Variants in TMEM204 observed in about 807,000 individuals in gnomAD.
The protein encoded by TMEM204 is transmembrane protein 204, also known as claudin-like protein 24.
Under a neutral mutation model 19.4 loss-of-function variants are expected in TMEM204, and 15 were observed. The observed-to-expected ratio is 0.77, with a 90% CI of 0.52 to 1.19. The LOEUF (loss-of-function observed/expected upper bound fraction) is 1.19, where lower values mean the gene tolerates loss of function less well. Ranked by LOEUF, TMEM204 falls within the 50% of genes most tolerant of loss-of-function variation. The pLI is 0.00. For synonymous variants in TMEM204, 161 were observed against 146.0 expected, an observed-to-expected ratio of 1.10 and a Z score of -0.74; for missense variants, 287 against 321.2, an observed-to-expected ratio of 0.89 and a Z score of 0.81.
At chr16:1,536,466 C>A (rs2141249975) in intron 1 of TMEM204, among the ~76,000 whole-genome samples, 1 of 152,320 alleles carries the variant, frequency 6.6e-6, no homozygotes, top group East Asian at 1.9e-4. Context: ...CATCCTCCTG[C>A]AACTTGTATG....
chr16:1,550,714 T>G (rs756461244), intron 2 of TMEM204, among the ~76,000 whole-genome samples: 1 of 152,220 alleles, frequency 6.6e-6, no homozygotes, highest in Non-Finnish European at 1.5e-5. Flanking sequence ...GAGCCTTCCC[T>G]GCAAGCTTGA....
At position 1,537,249 on chromosome 16, in the gene TMEM204, G is replaced by A. The variant is rs539893260; in HGVS notation, c.280+2694G>A. On this transcript the variant is annotated intron_variant, in intron 1 of 2. Coordinates refer to ENST00000566264, the MANE Select transcript of TMEM204 (RefSeq NM_024600.6). The stretch of plus-strand genomic sequence containing the variant: ...AGGCCAGGGAAGACAACGCCACACC[G>A]CGTGCCTCCTCACGCACACCAGGCC... Among the ~76,000 whole-genome samples the A allele has an allele frequency of 5.8e-4, 88 of 152,364 alleles. No individual in the cohort carries two copies. In the East Asian group the frequency reaches 8.9e-3, roughly 15 times the overall value.
Position 1,553,843 on chromosome 16 carries a change from C to T in TMEM204, c.437-939C>T, listed in dbSNP as rs1438562017. On this transcript the variant is annotated intron_variant, in intron 2 of 2. Transcript: ENST00000566264. The surrounding 1 kb of genome is among the most constrained non-coding windows in gnomAD (Gnocchi z 4.4). ...ACGCCCGGCTCCATCGCTGCGGCCA[C>T]AGTGTCCTGTTATCCTAGTTGGTAG... 1 of 1,218,744 alleles carries T rather than the reference C, an allele frequency of 8.2e-7. No individual in the cohort carries two copies. The highest frequency in any genetic ancestry group is 5.7e-5 in the East Asian group (1 of 17,438). The allele number at this position is 1,218,744 out of a possible 1,614,324, so 75.5% of individuals were successfully genotyped here.
At chr16:1,541,274 G>A in intron 1 of TMEM204, 1 of 985,416 alleles carries the variant, frequency 1.0e-6, no homozygotes, top group Non-Finnish European at 1.2e-6. Flanking sequence ...CGGGGCCCCA[G>A]GAGGTGAGGG....
At chr16:1,548,766 A>T (rs1049059411) in intron 2 of TMEM204, among the ~76,000 whole-genome samples, 1 of 152,212 alleles carries the variant, frequency 6.6e-6, no homozygotes, top group African/African-American at 2.4e-5. Flanking sequence ...TCAGAACGGC[A>T]TCCACAGCGC....
chr16:1,531,612 G>A (rs1455111706), upstream of TMEM204: 3 of 152,288 alleles, frequency 2.0e-5, no homozygotes, highest in Non-Finnish European at 4.4e-5. This position sits in a 1 kb window ranked among gnomAD's most constrained non-coding sequence, Gnocchi z 4.7. Context: ...CCCCCCGAGA[G>A]CCACAGATCC....
intron 1 of TMEM204, among the ~76,000 whole-genome samples, 162 bp from the exon 2 acceptor site, chr16:1,541,759 G>C (rs553062213): frequency 1.3e-5 from 2 of 152,200 alleles, no homozygotes; most frequent in African/African-American, 4.8e-5. Context: ...GGCAGGTGAG[G>C]GGGAGGGCGT....
Position 1,554,976 on chromosome 16 carries a change from G to A in TMEM204, c.631G>A (p.Ala211Thr). ...GATTGTCATCAGCCGCTCCCTGACA[G>A]CGCGCTTTCGCCGTGGGCTGGACAA... Reference protein sequence around the residue: ...RVIVISRSLTARFRRGLDNDY... With the variant: ...RVIVISRSLTTRFRRGLDNDY... The change falls in exon 3 of 3, where the codon GCG becomes ACG. Residue 211 changes from alanine (A) to threonine (T), a missense_variant. Coordinates refer to ENST00000566264, the MANE Select transcript of TMEM204 (RefSeq NM_024600.6). The A allele has an allele frequency of 1.2e-6, 2 of 1,613,806 alleles. No homozygotes were observed. The highest frequency in any genetic ancestry group is 1.7e-6 in the Non-Finnish European group (2 of 1,180,002).
chr16:1,554,403 C>G (rs1230737042), intron 2 of TMEM204, among the ~76,000 whole-genome samples: 1 of 152,030 alleles, frequency 6.6e-6, no homozygotes, highest in African/African-American at 2.4e-5. Flanking sequence ...TAGGAAAGGC[C>G]CCCCCAAGTT....
In TMEM204 at chr16:1,539,347, G is replaced by A. The variant is rs527805666; in HGVS notation, c.281-2574G>A. Among the ~76,000 whole-genome samples the A allele has an allele frequency of 2.6e-5, 4 of 152,334 alleles. No homozygotes were observed. The East Asian group carries it at 5.8e-4, about 22-fold the overall frequency. On this transcript the variant is annotated intron_variant, in intron 1 of 2. Transcript: ENST00000566264. ...CAGCAAGCCACATGGTGCAAATGCC[G>A]CCCCACGCCTTAGGCCTCAGCAAGT...
At chr16:1,536,970 G>T (rs2031136476) in intron 1 of TMEM204, among the ~76,000 whole-genome samples, 1 of 152,270 alleles carries the variant, frequency 6.6e-6, no homozygotes, top group Non-Finnish European at 1.5e-5. Flanking sequence ...ACCTAGGCAG[G>T]CCTGGGAGTC....
At chr16:1,550,244 G>A (rs773212717) in intron 2 of TMEM204, among the ~76,000 whole-genome samples, 2 of 152,076 alleles carry the variant, frequency 1.3e-5, no homozygotes, top group African/African-American at 2.4e-5. Context: ...CAGCCCCTTC[G>A]TCTTCTATAT....
upstream of TMEM204, chr16:1,531,521 AAGCAACAGGGAG>A (rs1567337305): frequency 6.6e-6 from 1 of 152,288 alleles, no homozygotes; most frequent in Non-Finnish European, 1.5e-5. This position sits in a 1 kb window ranked among gnomAD's most constrained non-coding sequence, Gnocchi z 4.7. Flanking sequence ...CCAAGACCCC[AAGCAACAGGGAG>A]AGCAGGAGGG....
upstream of TMEM204, chr16:1,532,298 G>C (rs1740896451): frequency 6.6e-6 from 1 of 152,314 alleles, no homozygotes; most frequent in South Asian, 2.1e-4. Flanking sequence ...AAACCTGACG[G>C]ACACGTCTGC....
chr16:1,537,860 C>T (rs932347886), intron 1 of TMEM204, among the ~76,000 whole-genome samples: 2 of 152,204 alleles, frequency 1.3e-5, no homozygotes, highest in Non-Finnish European at 2.9e-5. Context: ...CACGTGGCTC[C>T]GTCACCACGC....
chr16:1,554,542 TAAGAGCCACAG>T, intron 2 of TMEM204, among the ~76,000 whole-genome samples: 1 of 152,234 alleles, frequency 6.6e-6, no homozygotes, highest in Non-Finnish European at 1.5e-5. Flanking sequence ...CCTGAAGTCC[TAAGAGCCACAG>T]AAGGGCTAAT....
chr16:1,529,049 T>C (rs1015189570), upstream of TMEM204, among the ~76,000 whole-genome samples: 2 of 152,166 alleles, frequency 1.3e-5, no homozygotes, highest in African/African-American at 2.4e-5. Flanking sequence ...CGCAGGTTCC[T>C]GGGATGGGCC....
chr16:1,538,300 T>C (rs1185664256), intron 1 of TMEM204, among the ~76,000 whole-genome samples: 1 of 152,168 alleles, frequency 6.6e-6, no homozygotes, highest in Non-Finnish European at 1.5e-5. Context: ...CACAGGGCTG[T>C]GTGCCTGGAG....
Position 1,541,995 on chromosome 16 carries a change from C to G in TMEM204, c.355C>G (p.Leu119Val). The G allele has an allele frequency of 1.2e-6, 2 of 1,611,386 alleles. No homozygotes were observed. Among genetic ancestry groups the G allele is most frequent in the Non-Finnish European group, 1.7e-6 (2 of 1,179,672 alleles). Residue 119 changes from leucine (L) to valine (V), a missense_variant, in exon 2 of 3, where the codon CTG becomes GTG. Transcript: ENST00000566264. ...CACCGCAGGCCAGCTCACCTTCCTCCTGGGGCTGGTGGGCCTGCCCCTGCT... is the reference window on the plus strand; with the variant it reads ...CACCGCAGGCCAGCTCACCTTCCTCGTGGGGCTGGTGGGCCTGCCCCTGCT... ...ALTAGQLTFLLGLVGLPLLSP... is the reference protein window; with the variant it reads ...ALTAGQLTFLVGLVGLPLLSP...
Sources: gnomAD v4.1 joint callset for allele counts (sites outside exome capture counted in the v4.1 genomes callset) on GRCh38, gnomAD v4.1.1 for gene constraint, Gnocchi (gnomAD v3.1) non-coding constraint, MANE v1.5 for transcripts, NCBI Gene and HGNC (gene_info 2026-07-23, HGNC 2026-07-21) for gene names.